Variants in TRIP4 observed in about 807,000 individuals in gnomAD.
The protein encoded by TRIP4 is activating signal cointegrator 1.
A neutral mutation model predicts 81.8 loss-of-function variants in TRIP4; 54 were observed. The ratio of observed to expected loss-of-function variants is 0.66; its 90% confidence interval spans 0.53 to 0.83. The LOEUF is 0.83. Among genes scored for constraint, TRIP4 ranks in the 40% least tolerant of loss-of-function variants. TRIP4 has a pLI of 0.00. For synonymous variants in TRIP4, 270 were observed against 242.8 expected (o/e 1.11, Z -1.04); for missense variants, 662 against 683.6 (o/e 0.97, Z 0.35).
rs1490003861 is a variant in TRIP4 at position 64,414,098 on chromosome 15, A to T, written c.1057A>T (p.Ile353Leu). ...TTATTATCACAGACTAGATGAGACA[A>T]TACAGGCCATTGCCAATGGAACCTT... The part of the protein sequence containing the change: ...AEYHSRLDET[I>L]QAIANGTLNQ... Residue 353 changes from isoleucine to leucine, a missense_variant, in exon 8 of 13, where the codon ATA becomes TTA. Physicochemically the swap from Ile to Leu is conservative, Grantham distance 5 (BLOSUM62 2). Transcript: ENST00000261884. 2.5e-6 allele frequency: 4 copies of T among 1,614,020 alleles called. No individual in the cohort carries two copies. The highest frequency in any genetic ancestry group is 3.4e-6 in the Non-Finnish European group (4 of 1,180,008).
chr15:64,409,972 A>G, intron 7 of TRIP4, 144 bp downstream of exon 7: 1 of 743,288 alleles, frequency 1.3e-6, no homozygotes, highest in East Asian at 2.8e-5. Context: ...TAGCTAAGAA[A>G]AAATGTTTAA....
intron 11 of TRIP4, among the ~76,000 whole-genome samples, chr15:64,427,822 C>T (rs1181730262): frequency 6.6e-6 from 1 of 152,132 alleles, no homozygotes; most frequent in Non-Finnish European, 1.5e-5. Context: ...GCGTTTTGTT[C>T]TTCCCTTAGT....
At chr15:64,426,182 C>T (rs529956169) in intron 11 of TRIP4, among the ~76,000 whole-genome samples, 1 of 152,152 alleles carries the variant, frequency 6.6e-6, no homozygotes, top group South Asian at 2.1e-4. Flanking sequence ...CCTTGATTAT[C>T]CCTTGAATTA....
At position 64,397,623 on chromosome 15, in the gene TRIP4, C is replaced by G. The variant is rs1022180498; in HGVS notation, c.423C>G (p.Asn141Lys). The G allele has an allele frequency of 6.2e-7, 1 of 1,612,332 alleles. No individual in the cohort carries two copies. The highest frequency in any genetic ancestry group is 8.5e-7 in the Non-Finnish European group (1 of 1,178,430). Residue 141 changes from asparagine (N) to lysine (K), a missense_variant, in exon 4 of 13, where the codon AAC (asparagine) becomes AAG (lysine). Asn to Lys is a moderately conservative substitution (Grantham distance 94). Coordinates refer to ENST00000261884, the MANE Select transcript of TRIP4 (RefSeq NM_016213.5). ...FDLAKAQENSNSVKKKTKFVN... is the reference protein window; with the variant it reads ...FDLAKAQENSKSVKKKTKFVN... Reference sequence around the variant, plus strand: ...TACGATAGGCACAAGAGAACAGCAACTCCGTAAAGAAGAAGACAAAGTTTG... The same window carrying G: ...TACGATAGGCACAAGAGAACAGCAAGTCCGTAAAGAAGAAGACAAAGTTTG...
At chr15:64,400,949 G>GTT (rs1410560491) in intron 5 of TRIP4, 128 bp downstream of exon 5, 3 of 628,308 alleles carry the variant, frequency 4.8e-6, no homozygotes, top group East Asian at 3.2e-5. Flanking sequence ...TTTTTTGGGG[G>GTT]GTTTTTTTTG....
intron 7 of TRIP4, among the ~76,000 whole-genome samples, chr15:64,413,572 CTTTTAT>C (rs1891818299): frequency 1.3e-5 from 2 of 151,744 alleles, no homozygotes; most frequent in Non-Finnish European, 2.9e-5. Flanking sequence ...TATTCTGGAA[CTTTTAT>C]TTTATTTATT....
At chr15:64,389,708 CTTTTTTTTT>C (rs368526429) in intron 1 of TRIP4, among the ~76,000 whole-genome samples, 2 of 127,274 alleles carry the variant, frequency 1.6e-5, no homozygotes, top group African/African-American at 5.8e-5. Flanking sequence ...AAAATTTTCA[CTTTTTTTTT>C]TTTTTTTTTT....
At chr15:64,454,884 G>A in intron 12 of TRIP4, 113 bp from the exon 13 acceptor site, 3 of 920,470 alleles carry the variant, frequency 3.3e-6, no homozygotes, top group South Asian at 1.6e-5. Flanking sequence ...GAGTCCTGAA[G>A]TAAGATAATT....
intron 11 of TRIP4, among the ~76,000 whole-genome samples, chr15:64,443,615 G>GA (rs144557137): frequency 0.021 from 3,208 of 152,300 alleles, 60 homozygotes; most frequent in Non-Finnish European, 0.034. Context: ...GGCTTCTGAA[G>GA]ATAAAAGGGA....
chr15:64,442,990 CAAA>C (rs778464158), intron 11 of TRIP4, among the ~76,000 whole-genome samples: 4 of 90,110 alleles, frequency 4.4e-5, no homozygotes, highest in Admixed American at 2.4e-4. Flanking sequence ...GACTCCATCT[CAAA>C]AAAAAAAAAA....
At chr15:64,453,170 C>T (rs1566988683) in intron 12 of TRIP4, among the ~76,000 whole-genome samples, 2 of 152,092 alleles carry the variant, frequency 1.3e-5, no homozygotes, top group Non-Finnish European at 2.9e-5. Flanking sequence ...GCGACAGAGA[C>T]TCTGTCTCAA....
At chr15:64,449,127 G>T (rs1367535600) in intron 12 of TRIP4, among the ~76,000 whole-genome samples, 1 of 151,644 alleles carries the variant, frequency 6.6e-6, no homozygotes, top group African/African-American at 2.4e-5. Flanking sequence ...CAGAAATATT[G>T]CTTGAGCCCA....
At chr15:64,435,317 C>CA (rs1012957937) in intron 11 of TRIP4, among the ~76,000 whole-genome samples, 2 of 147,800 alleles carry the variant, frequency 1.4e-5, no homozygotes, top group Non-Finnish European at 3.0e-5. Flanking sequence ...GTCAGGAGTT[C>CA]AAGACCAGCC....
chr15:64,437,210 G>C (rs1178283819), intron 11 of TRIP4, among the ~76,000 whole-genome samples: 1 of 151,492 alleles, frequency 6.6e-6, no homozygotes, highest in Non-Finnish European at 1.5e-5. Flanking sequence ...CACGAGGTTG[G>C]GAGTTCAAGA....
At chr15:64,444,576 G>T (rs1473541771) in intron 11 of TRIP4, 2 of 152,148 alleles carry the variant, frequency 1.3e-5, no homozygotes, top group African/African-American at 4.8e-5. Flanking sequence ...ACTGTTTCTG[G>T]CAGAATTTCC....
At chr15:64,397,552 C>G (rs1900329168) in intron 3 of TRIP4, 54 bp from the exon 4 acceptor site, 1 of 1,573,028 alleles carries the variant, frequency 6.4e-7, no homozygotes, top group Non-Finnish European at 8.7e-7. Flanking sequence ...TCTCCCTTGA[C>G]TTTTTACATT....
At position 64,391,970 on chromosome 15, in the gene TRIP4, CAAAAAA is replaced by C. The variant is rs35193532; in HGVS notation, c.102-1957_102-1952del. Among the ~76,000 whole-genome samples the C allele has an allele frequency of 1.7e-4, 4 of 23,242 alleles. No individual in the cohort carries two copies. In the South Asian group the frequency reaches 6.2e-3, roughly 36 times the overall value. 15.2% of individuals were successfully genotyped at this position (23,242 alleles called of 152,430 possible). On this transcript the variant is annotated intron_variant, in intron 1 of 12. Transcript: ENST00000261884. ...TGGGTGACAGAGTGAGACTCTGTCT[CAAAAAA>C]AAAAAAAAAAAAAAAAAAGCCAGGT... is the stretch of plus-strand genomic sequence containing the variant.
chr15:64,450,839 G>C, intron 12 of TRIP4: 1 of 414,316 alleles, frequency 2.4e-6, no homozygotes, highest in South Asian at 1.7e-5. Flanking sequence ...TACCTGAGCT[G>C]GTCTCACTTG....
intron 6 of TRIP4, among the ~76,000 whole-genome samples, chr15:64,409,336 G>C (rs1891707523): frequency 6.6e-6 from 1 of 152,162 alleles, no homozygotes; most frequent in African/African-American, 2.4e-5. Context: ...CTTGAACTCA[G>C]ATGCAGCAAA....
Sources: allele counts gnomAD v4.1 joint callset (sites outside exome capture counted in the v4.1 genomes callset), GRCh38; gene constraint gnomAD v4.1.1; transcripts MANE v1.5; gene names NCBI Gene and HGNC (gene_info 2026-07-23, HGNC 2026-07-21).